Variants in SLC24A2 observed in about 807,000 individuals in gnomAD.
The protein encoded by SLC24A2 is sodium/potassium/calcium exchanger 2.
In SLC24A2, 36 loss-of-function variants were observed where a neutral mutation model predicts 62.0. The ratio of observed to expected loss-of-function variants is 0.58; its 90% CI spans 0.44 to 0.77. The LOEUF (loss-of-function observed/expected upper bound fraction) is 0.77. Ranked by LOEUF, SLC24A2 falls within the 30% of genes least tolerant of loss-of-function variation. The probability of loss-of-function intolerance (pLI) is 0.00; values close to 1 mark genes in which losing one functional copy is unlikely to be tolerated. For synonymous variants in SLC24A2, 358 were observed against 294.0 expected (o/e 1.22, Z -2.23); for missense variants, 846 against 817.9 (o/e 1.03, Z -0.42).
At position 19,632,806 on chromosome 9, in the gene SLC24A2, T is replaced by C. The variant is rs1818212079; in HGVS notation, c.931-10507A>G. ...TACAATCTATGGAACTCATTCAGAT[T>C]TCACCAGTTATATGTGCACCTATTT... On this transcript the variant is annotated intron_variant, in intron 2 of 10. Coordinates refer to ENST00000341998, the MANE Select transcript of SLC24A2 (RefSeq NM_020344.4). This position sits in a 1 kb window ranked among gnomAD's most constrained non-coding sequence, Gnocchi z 4.5. 6.6e-6 allele frequency among the ~76,000 whole-genome samples: 1 copy of C among 152,190 alleles called. No individual in the cohort carries two copies. The highest frequency in any genetic ancestry group is 6.5e-5 in the Admixed American group (1 of 15,272).
the SLC24A2 span, among the ~76,000 whole-genome samples, chr9:20,027,263 T>C: frequency 1.4e-4 from 22 of 152,198 alleles, no homozygotes; most frequent in African/African-American, 5.3e-4. Flanking sequence ...ATATTAAAAA[T>C]AGAACTACCA....
At position 19,632,990 on chromosome 9, in the gene SLC24A2, A is replaced by G. The variant is rs76852913; in HGVS notation, c.931-10691T>C. Among the ~76,000 whole-genome samples, 3,106 of 152,298 alleles carry G rather than the reference A, an allele frequency of 0.02. 55 individuals are homozygous for G. Among genetic ancestry groups the G allele is most frequent in the East Asian group, 0.093 (481 of 5,178 alleles). Reference sequence around the variant, plus strand: ...CACCCATTCCCACACCTGCCTGCTAATCCCTGGCAACCACTATTCTGTTAT... The same window carrying G: ...CACCCATTCCCACACCTGCCTGCTAGTCCCTGGCAACCACTATTCTGTTAT... On this transcript the variant is annotated intron_variant, in intron 2 of 10. Coordinates refer to ENST00000341998, the MANE Select transcript of SLC24A2 (RefSeq NM_020344.4). The surrounding 1 kb of genome is among the most constrained non-coding windows in gnomAD (Gnocchi z 4.5).
the SLC24A2 span, among the ~76,000 whole-genome samples, chr9:19,851,555 G>T: frequency 6.6e-6 from 1 of 151,964 alleles, no homozygotes; most frequent in Non-Finnish European, 1.5e-5. Flanking sequence ...TTCAGCTCCC[G>T]CTTATAAGTG....
the SLC24A2 span, among the ~76,000 whole-genome samples, chr9:20,162,219 C>T: frequency 1.3e-5 from 2 of 151,610 alleles, no homozygotes; most frequent in African/African-American, 4.8e-5. Context: ...TATTATGCAA[C>T]ATAGCAAGAC....
chr9:19,764,500 T>A (rs1822451291), intron 2 of SLC24A2, among the ~76,000 whole-genome samples: 1 of 152,264 alleles, frequency 6.6e-6, no homozygotes, highest in South Asian at 2.1e-4. Context: ...TGGTACATTG[T>A]GTCTTTGTTC....
chr9:20,083,339 T>A, the SLC24A2 span, among the ~76,000 whole-genome samples: 18 of 150,036 alleles, frequency 1.2e-4, no homozygotes, highest in Admixed American at 2.0e-4. Flanking sequence ...ACTGACCAAA[T>A]GAGCAAATGG....
At chr9:19,951,478 T>C in the SLC24A2 span, among the ~76,000 whole-genome samples, 339 of 152,264 alleles carry the variant, frequency 2.2e-3, 7 homozygotes, top group East Asian at 0.059. Context: ...CTCTAGAATA[T>C]TTACAGTTTT....
chr9:19,971,613 A>G, the SLC24A2 span, among the ~76,000 whole-genome samples: 7 of 152,260 alleles, frequency 4.6e-5, no homozygotes, highest in Admixed American at 2.6e-4. Flanking sequence ...TGTCAATTGG[A>G]TGATATGGCA....
the SLC24A2 span, among the ~76,000 whole-genome samples, chr9:20,282,961 T>C: frequency 5.3e-5 from 8 of 152,330 alleles, no homozygotes; most frequent in Non-Finnish European, 1.2e-4. Context: ...CCTCCAAGTA[T>C]TATCCTGAGT....
At chr9:19,994,567 C>T in the SLC24A2 span, among the ~76,000 whole-genome samples, 1 of 152,156 alleles carries the variant, frequency 6.6e-6, no homozygotes, top group East Asian at 1.9e-4. Flanking sequence ...GGACCAGGCT[C>T]TTGACTCTGT....
At chr9:19,901,064 C>T in the SLC24A2 span, among the ~76,000 whole-genome samples, 2 of 152,184 alleles carry the variant, frequency 1.3e-5, no homozygotes, top group African/African-American at 4.8e-5. Flanking sequence ...GCACTTGAGA[C>T]CCACTAATTT....
the SLC24A2 span, among the ~76,000 whole-genome samples, chr9:20,031,083 G>T: frequency 6.6e-6 from 1 of 151,470 alleles, no homozygotes; most frequent in African/African-American, 2.4e-5. Context: ...TATAGAGAGA[G>T]ATATGGATAT....
chr9:19,886,359 T>A, the SLC24A2 span, among the ~76,000 whole-genome samples: 1 of 152,178 alleles, frequency 6.6e-6, no homozygotes, highest in Non-Finnish European at 1.5e-5. Context: ...AGCATTTTTT[T>A]ATAGGCTTAT....
intron 2 of SLC24A2, among the ~76,000 whole-genome samples, chr9:19,738,418 C>T (rs1821572748): frequency 6.6e-6 from 1 of 152,024 alleles, no homozygotes; most frequent in African/African-American, 2.4e-5. Context: ...AGAACGCATG[C>T]ATTCTTTAAT....
chr9:19,959,421 T>C, the SLC24A2 span, among the ~76,000 whole-genome samples: 1 of 152,232 alleles, frequency 6.6e-6, no homozygotes, highest in Non-Finnish European at 1.5e-5. Context: ...TGATCACTCT[T>C]GTCTACAATC....
the SLC24A2 span, among the ~76,000 whole-genome samples, chr9:20,208,766 T>C: frequency 6.6e-6 from 1 of 151,958 alleles, no homozygotes; most frequent in African/African-American, 2.4e-5. Flanking sequence ...CTCAAGAGAG[T>C]CATGACCGTG....
the SLC24A2 span, among the ~76,000 whole-genome samples, chr9:19,935,521 C>A: frequency 1.3e-5 from 2 of 152,352 alleles, no homozygotes; most frequent in African/African-American, 4.8e-5. Context: ...CCTGATTCCT[C>A]ATTCAATCAC....
intron 2 of SLC24A2, among the ~76,000 whole-genome samples, chr9:19,708,999 C>T (rs1325069179): frequency 2.6e-5 from 4 of 151,990 alleles, no homozygotes; most frequent in East Asian, 1.9e-4. Context: ...TTTTCGCAAC[C>T]TACTCATCTG....
At chr9:20,018,201 C>T in the SLC24A2 span, among the ~76,000 whole-genome samples, 1 of 152,204 alleles carries the variant, frequency 6.6e-6, no homozygotes, top group Non-Finnish European at 1.5e-5. Context: ...CCGGTCTCGG[C>T]CTCCTAAAGT....
Sources: allele counts gnomAD v4.1 joint callset (sites outside exome capture counted in the v4.1 genomes callset), GRCh38; gene constraint gnomAD v4.1.1; non-coding constraint Gnocchi (gnomAD v3.1); transcripts MANE v1.5; gene names NCBI Gene and HGNC (gene_info 2026-07-23, HGNC 2026-07-21).